Variants in SGPP1 observed in about 807,000 individuals in gnomAD.
SGPP1 encodes hSPP1.
In SGPP1, 21 loss-of-function variants were observed where a neutral mutation model predicts 33.0. That is an observed-to-expected ratio of 0.64 (90% CI 0.45 to 0.92). The LOEUF (loss-of-function observed/expected upper bound fraction) is 0.92, where lower values mean the gene tolerates loss of function less well. Among genes scored for constraint, SGPP1 ranks in the 40% least tolerant of loss-of-function variants. The pLI is 0.00. For synonymous variants in SGPP1, 239 were observed against 241.2 expected (o/e 0.99, Z 0.08); for missense variants, 543 against 589.4 (o/e 0.92, Z 0.81).
intron 1 of SGPP1, among the ~76,000 whole-genome samples, chr14:63,724,616 TAAAAAAAAAAAAAAA>T (rs34386504): frequency 5.2e-4 from 44 of 85,002 alleles, no homozygotes; most frequent in Non-Finnish European, 8.4e-4. Context: ...CAAGGATCTT[TAAAAAAAAAAAAAAA>T]AAAAAAAAAA....
intron 1 of SGPP1, among the ~76,000 whole-genome samples, chr14:63,711,804 C>G (rs917654178): frequency 6.6e-6 from 1 of 152,062 alleles, no homozygotes; most frequent in Admixed American, 6.6e-5. Context: ...CCAAGGTGGG[C>G]AGATCACTTG....
chr14:63,721,113 C>T (rs902760905), intron 1 of SGPP1, among the ~76,000 whole-genome samples: 7 of 152,184 alleles, frequency 4.6e-5, no homozygotes, highest in African/African-American at 1.7e-4. Flanking sequence ...GAACTCCTGA[C>T]CTCAGGCGAT....
At position 63,727,319 on chromosome 14, in the gene SGPP1, G is replaced by A. The variant is rs1252378688; in HGVS notation, c.626C>T (p.Ala209Val). 1 of 1,614,126 alleles carries A rather than the reference G, an allele frequency of 6.2e-7. No individual in the cohort carries two copies. The highest frequency in any genetic ancestry group is 8.5e-7 in the Non-Finnish European group (1 of 1,180,000). Residue 209 changes from alanine to valine, a missense_variant, in exon 1 of 3, where the codon GCC (alanine) becomes GTC (valine). Physicochemically the swap from Ala to Val is moderately conservative, Grantham distance 64 (BLOSUM62 0). Transcript: ENST00000247225. ...AATGGGGATGGCGGTGCCGGACATG[G>A]CATGGGTGGAGGGCATGCTGTACTC... The part of the protein sequence containing the change: ...NSEYSMPSTH[A>V]MSGTAIPISM...
chr14:63,727,622 A>G lies in SGPP1; in HGVS notation c.323T>C (p.Leu108Pro). ...CTCGCCCGTCAGCGAGTTGCGGCGCAGAGCGCCCGCGCGCCGCGGCGAGGC... is the reference window on the plus strand; with the variant it reads ...CTCGCCCGTCAGCGAGTTGCGGCGCGGAGCGCCCGCGCGCCGCGGCGAGGC... ...GPASPRRAGALRRNSLTGEEG... is the reference protein window; with the variant it reads ...GPASPRRAGAPRRNSLTGEEG... Residue 108 changes from leucine (L) to proline (P), a missense_variant, in exon 1 of 3, where the codon CTG (leucine) becomes CCG (proline). Transcript: ENST00000247225. The G allele has an allele frequency of 6.8e-7, 1 of 1,462,728 alleles. No homozygotes were observed. The highest frequency in any genetic ancestry group is 1.5e-5 in the African/African-American group (1 of 68,340). The allele number at this position is 1,462,728 out of a possible 1,614,324, so 90.6% of individuals were successfully genotyped here. A position where few individuals can be genotyped will look rare whatever the true frequency, so the allele number is the denominator to read the frequency against.
chr14:63,724,127 G>A (rs1010284486), intron 1 of SGPP1, among the ~76,000 whole-genome samples: 16 of 151,890 alleles, frequency 1.1e-4, no homozygotes, highest in South Asian at 2.1e-4. Context: ...GGATCCTTCC[G>A]CCTCAGCCTC....
At chr14:63,698,749 A>T in intron 1 of SGPP1, 91 bp from the exon 2 acceptor site, 3 of 645,578 alleles carry the variant, frequency 4.6e-6, no homozygotes, top group Non-Finnish European at 4.8e-6. Flanking sequence ...TATTCTATAA[A>T]GTCCACTAAA....
At chr14:63,716,982 C>T (rs1175053242) in intron 1 of SGPP1, among the ~76,000 whole-genome samples, 2 of 152,066 alleles carry the variant, frequency 1.3e-5, no homozygotes, top group African/African-American at 2.4e-5. Flanking sequence ...CATGAACCAC[C>T]GTGCCCAGGA....
Position 63,727,348 on chromosome 14 carries a change from G to C in SGPP1, c.597C>G (p.Asn199Lys). ...GGGTGGAGGGCATGCTGTACTCAGA[G>C]TTGTAGAAGACCTCCAACTTGACCA... ...PPVVKLEVFY[N>K]SEYSMPSTHA... The change falls in exon 1 of 3, where the codon AAC becomes AAG. Residue 199 changes from asparagine (N) to lysine (K), a missense_variant. Transcript: ENST00000247225. 6.2e-7 allele frequency: 1 copy of C among 1,614,196 alleles called. No homozygotes were observed.
At chr14:63,709,859 A>G (rs1274831440) in intron 1 of SGPP1, among the ~76,000 whole-genome samples, 2 of 152,098 alleles carry the variant, frequency 1.3e-5, no homozygotes, top group African/African-American at 4.8e-5. Context: ...TCCCTCAATT[A>G]TTCTACCAAA....
At chr14:63,713,398 C>T (rs983665606) in intron 1 of SGPP1, among the ~76,000 whole-genome samples, 2 of 152,134 alleles carry the variant, frequency 1.3e-5, no homozygotes, top group Non-Finnish European at 2.9e-5. Context: ...ACCCATTTCT[C>T]TCTACTGCCA....
At position 63,718,538 on chromosome 14, in the gene SGPP1, T is replaced by C. The variant is rs561919896; in HGVS notation, c.684+8723A>G. 4.6e-5 allele frequency among the ~76,000 whole-genome samples: 7 copies of C among 152,136 alleles called. No individual in the cohort carries two copies. The East Asian group carries it at 7.7e-4, about 17-fold the overall frequency. ...ATTATACAAAAATAATAACGATGAA[T>C]TGTGAGCCTTAGGACATATATGGAT... On this transcript the variant is annotated intron_variant, in intron 1 of 2. Transcript: ENST00000247225.
At chr14:63,719,014 A>T (rs12881159) in intron 1 of SGPP1, among the ~76,000 whole-genome samples, 1,009 of 19,372 alleles carry the variant, frequency 0.052, 51 homozygotes, top group African/African-American at 0.078. Context: ...ATATATATAT[A>T]TTTTTTTTTT....
At chr14:63,712,245 T>C (rs936265612) in intron 1 of SGPP1, among the ~76,000 whole-genome samples, 8 of 152,178 alleles carry the variant, frequency 5.3e-5, no homozygotes, top group African/African-American at 1.7e-4. Flanking sequence ...ATCTTGCTTG[T>C]TCTCTTAGCA....
At chr14:63,700,815 C>T (rs868865033) in intron 1 of SGPP1, among the ~76,000 whole-genome samples, 1 of 152,094 alleles carries the variant, frequency 6.6e-6, no homozygotes, top group South Asian at 2.1e-4. Context: ...AAAAAAGTGA[C>T]TTATGCCACT....
chr14:63,690,039 C>T (rs755777150), intron 2 of SGPP1, among the ~76,000 whole-genome samples: 2 of 151,994 alleles, frequency 1.3e-5, no homozygotes, highest in Admixed American at 1.3e-4. Flanking sequence ...TAATTGATTA[C>T]GGTTGAACTT....
intron 1 of SGPP1, among the ~76,000 whole-genome samples, chr14:63,707,581 G>A (rs567429976): frequency 6.6e-6 from 1 of 150,832 alleles, no homozygotes; most frequent in East Asian, 1.9e-4. Flanking sequence ...TGTTGCCCAG[G>A]CTGGAGTGCA....
chr14:63,717,400 C>A (rs1354961594), intron 1 of SGPP1, among the ~76,000 whole-genome samples: 1 of 151,536 alleles, frequency 6.6e-6, no homozygotes, highest in Admixed American at 6.6e-5. Flanking sequence ...CGGCTCACTG[C>A]AAGCTCCACC....
intron 1 of SGPP1, among the ~76,000 whole-genome samples, chr14:63,721,130 G>A (rs372074496): frequency 3.3e-5 from 5 of 152,154 alleles, no homozygotes; most frequent in African/African-American, 9.7e-5. Context: ...CGATCCGTTC[G>A]TCTCGGCCTT....
At chr14:63,700,292 A>C (rs1387002760) in intron 1 of SGPP1, among the ~76,000 whole-genome samples, 1 of 152,108 alleles carries the variant, frequency 6.6e-6, no homozygotes, top group East Asian at 1.9e-4. Flanking sequence ...AACTCTGCAC[A>C]TATTTCCACC....
Sources: gnomAD v4.1 joint callset for allele counts (sites outside exome capture counted in the v4.1 genomes callset) on GRCh38, gnomAD v4.1.1 for gene constraint, MANE v1.5 for transcripts, NCBI Gene and HGNC (gene_info 2026-07-23, HGNC 2026-07-21) for gene names.